IQCE: variants seen among roughly 807,000 people sequenced by gnomAD.
The protein encoded by IQCE is IQ motif containing E.
Under a neutral mutation model 96.0 loss-of-function variants are expected in IQCE, and 115 were observed. That is an observed-to-expected ratio of 1.20 (90% CI 1.03 to 1.40). The LOEUF (loss-of-function observed/expected upper bound fraction) is 1.40. IQCE is among the 40% of genes most tolerant of loss of function. The probability of loss-of-function intolerance (pLI) is 0.00; values close to 1 mark genes in which losing one functional copy is unlikely to be tolerated. For synonymous variants in IQCE, 412 were observed against 371.2 expected (o/e 1.11, Z -1.26); for missense variants, 1,041 against 909.1 (o/e 1.15, Z -1.87).
intron 10 of IQCE, 74 bp downstream of exon 10, chr7:2,583,783 TGGGCGGCG>T (rs1782868346): frequency 1.0e-5 from 1 of 96,566 alleles, no homozygotes; most frequent in East Asian, 4.0e-4. Flanking sequence ...GGCACCGAGC[TGGGCGGCG>T]GGGCGGAGGG....
At chr7:2,574,969 C>T (rs1480962203) in intron 6 of IQCE, among the ~76,000 whole-genome samples, 1 of 152,224 alleles carries the variant, frequency 6.6e-6, no homozygotes, top group Non-Finnish European at 1.5e-5. Flanking sequence ...CACCCTGTGC[C>T]TCTTCACTTG....
At chr7:2,607,261 C>T (rs1256504522) in intron 21 of IQCE, 34 bp downstream of exon 21, 10 of 1,613,458 alleles carry the variant, frequency 6.2e-6, no homozygotes, top group Non-Finnish European at 7.6e-6. Flanking sequence ...GGCACCAGGG[C>T]AGCTGGTCTG....
Position 2,610,500 on chromosome 7 carries a change from A to C in IQCE, c.*338A>C, listed in dbSNP as rs1583531621. 1 of 232,846 alleles carries C rather than the reference A, an allele frequency of 4.3e-6. No individual in the cohort carries two copies. Among genetic ancestry groups the C allele is most frequent in the South Asian group, 5.6e-5 (1 of 17,950 alleles). 14.4% of individuals were successfully genotyped at this position (232,846 alleles called of 1,614,324 possible). On this transcript the variant is annotated 3_prime_UTR_variant, in exon 22 of 22. Transcript: ENST00000402050. ...GACAGCACCTTGCCGCCTGCCCACG[A>C]CCTTGACCGTGAGGAGCTGCTATCC...
In IQCE at chr7:2,586,192, G is replaced by C. The variant is rs372844676; in HGVS notation, c.825-16G>C. 7 of 1,608,732 alleles carry C rather than the reference G, an allele frequency of 4.4e-6. No homozygotes were observed. The highest frequency in any genetic ancestry group is 5.9e-6 in the Non-Finnish European group (7 of 1,178,060). ...CTTAGCAATGCAAACCTCAGTCCAC[G>C]ATTTGGTTGTTCCAGGCCCCTGGGG... On this transcript the variant is annotated splice_polypyrimidine_tract_variant and intron_variant, in intron 11 of 21. Transcript: ENST00000402050.
At chr7:2,609,075 G>T (rs1231736691) in intron 21 of IQCE, among the ~76,000 whole-genome samples, 1 of 152,202 alleles carries the variant, frequency 6.6e-6, no homozygotes, top group Non-Finnish European at 1.5e-5. Context: ...CCGGCAAGGA[G>T]CTCTGGGGCT....
intron 21 of IQCE, among the ~76,000 whole-genome samples, chr7:2,607,938 C>T (rs534787466): frequency 6.6e-6 from 1 of 152,232 alleles, no homozygotes; most frequent in Admixed American, 6.5e-5. Flanking sequence ...GGGAGTGTGG[C>T]GTGCGGGGCT....
intron 8 of IQCE, 126 bp downstream of exon 8, chr7:2,578,652 C>T (rs1035971841): frequency 2.0e-6 from 2 of 1,005,922 alleles, no homozygotes; most frequent in African/African-American, 1.6e-5. Flanking sequence ...AGGCTGCGGA[C>T]CCCCAAACCC....
At chr7:2,566,584 C>G in intron 1 of IQCE, 1 of 157,086 alleles carries the variant, frequency 6.4e-6, no homozygotes, top group Non-Finnish European at 1.4e-5. Flanking sequence ...CTTAGCCTCC[C>G]GAGTAGCTGG....
At chr7:2,597,255 C>T (rs1784112875) in intron 16 of IQCE, 3 of 406,406 alleles carry the variant, frequency 7.4e-6, no homozygotes, top group African/African-American at 6.2e-5. Context: ...GGCTGAGAAA[C>T]ACTGCCTTCT....
intron 1 of IQCE, among the ~76,000 whole-genome samples, chr7:2,566,830 C>G (rs1333816428): frequency 6.6e-6 from 1 of 152,188 alleles, no homozygotes; most frequent in East Asian, 1.9e-4. Flanking sequence ...TTTTGTTTTT[C>G]TTTGTCAAGA....
intron 5 of IQCE, chr7:2,572,637 A>G: frequency 1.9e-6 from 1 of 520,526 alleles, no homozygotes. Context: ...AACAAATACT[A>G]ATAAATAAAT....
At chr7:2,579,268 G>C (rs1244950476) in intron 8 of IQCE, among the ~76,000 whole-genome samples, 5 of 152,130 alleles carry the variant, frequency 3.3e-5, no homozygotes, top group Admixed American at 2.0e-4. Context: ...TCTAAAGTGG[G>C]ACATGGTGGA....
intron 12 of IQCE, among the ~76,000 whole-genome samples, chr7:2,587,451 C>A (rs1047865024): frequency 6.6e-6 from 1 of 152,022 alleles, no homozygotes; most frequent in African/African-American, 2.4e-5. Flanking sequence ...GGAGGAGTGG[C>A]TAGCGAGGGG....
intron 21 of IQCE, among the ~76,000 whole-genome samples, chr7:2,608,306 G>A (rs183809489): frequency 7.5e-4 from 114 of 152,328 alleles, no homozygotes; most frequent in African/African-American, 2.4e-3. Context: ...TTTGAGGCCC[G>A]CATCAGACCT....
At chr7:2,607,312 G>C (rs780261517) in intron 21 of IQCE, 85 bp downstream of exon 21, 2 of 1,577,326 alleles carry the variant, frequency 1.3e-6, no homozygotes, top group Non-Finnish European at 1.7e-6. Context: ...CAGGAAGCCC[G>C]GGCTGTGTCG....
At chr7:2,561,993 A>C (rs984569551) in intron 1 of IQCE, among the ~76,000 whole-genome samples, 1 of 152,226 alleles carries the variant, frequency 6.6e-6, no homozygotes, top group Non-Finnish European at 1.5e-5. Context: ...GAAGGGAAAC[A>C]TTCCGTCTTC....
chr7:2,609,195 C>T (rs573921151), intron 21 of IQCE, among the ~76,000 whole-genome samples: 6 of 152,032 alleles, frequency 3.9e-5, no homozygotes, highest in Non-Finnish European at 8.8e-5. Context: ...GCTCTAGATG[C>T]TTAGGAAGGA....
At chr7:2,565,133 AGTGTGTGTGT>A (rs35495754) in intron 1 of IQCE, among the ~76,000 whole-genome samples, 1 of 147,142 alleles carries the variant, frequency 6.8e-6, no homozygotes, top group Non-Finnish European at 1.5e-5. Context: ...CATGTGTGTG[AGTGTGTGTGT>A]GTGTGTGTGT....
chr7:2,602,665 A>G (rs554894625), intron 18 of IQCE, among the ~76,000 whole-genome samples: 58 of 152,094 alleles, frequency 3.8e-4, no homozygotes, highest in African/African-American at 1.4e-3. Flanking sequence ...CCCCTGCCCC[A>G]CCCATGTCCC....
Sources: allele counts gnomAD v4.1 joint callset (sites outside exome capture counted in the v4.1 genomes callset), GRCh38; gene constraint gnomAD v4.1.1; transcripts MANE v1.5; gene names NCBI Gene and HGNC (gene_info 2026-07-23, HGNC 2026-07-21).